SULF2: variants seen among roughly 807,000 people sequenced by gnomAD.
SULF2 encodes extracellular sulfatase Sulf-2.
In SULF2, 52 loss-of-function variants were observed where a neutral mutation model predicts 107.7. The ratio of observed to expected loss-of-function variants is 0.48; its 90% CI spans 0.39 to 0.61. SULF2 has a LOEUF of 0.61. Ranked by LOEUF, SULF2 falls within the 20% of genes least tolerant of loss-of-function variation. The pLI, the probability that SULF2 is intolerant of heterozygous loss-of-function variation, is 0.00. For synonymous variants in SULF2, 460 were observed against 464.3 expected (o/e 0.99, Z 0.12); for missense variants, 993 against 1,177.3 (o/e 0.84, Z 2.29).
intron 2 of SULF2, among the ~76,000 whole-genome samples, chr20:47,746,140 C>T (rs546748416): frequency 7.9e-5 from 12 of 152,330 alleles, no homozygotes; most frequent in Non-Finnish European, 1.6e-4. Flanking sequence ...CTTGCCAGCA[C>T]GTGCCTAGCC....
chr20:47,719,088 G>A (rs1426245250), intron 3 of SULF2, among the ~76,000 whole-genome samples: 4 of 152,096 alleles, frequency 2.6e-5, no homozygotes, highest in African/African-American at 4.8e-5. Flanking sequence ...TGGGAATTAC[G>A]GATATTTTCA....
At chr20:47,707,989 G>A (rs1217565704) in intron 3 of SULF2, among the ~76,000 whole-genome samples, 3 of 152,154 alleles carry the variant, frequency 2.0e-5, no homozygotes, top group Non-Finnish European at 1.5e-5. Flanking sequence ...GGTGGCACTC[G>A]AAATTGCTGA....
At chr20:47,684,148 C>T (rs1207444521) in intron 6 of SULF2, among the ~76,000 whole-genome samples, 3 of 152,220 alleles carry the variant, frequency 2.0e-5, no homozygotes, top group East Asian at 3.8e-4. Flanking sequence ...ATGTGAATTA[C>T]ATCCCAATAA....
chr20:47,693,853 C>T (rs1451511100), intron 4 of SULF2, among the ~76,000 whole-genome samples: 1 of 152,152 alleles, frequency 6.6e-6, no homozygotes, highest in Non-Finnish European at 1.5e-5. Context: ...GATTACAGTA[C>T]CTGCCTCTTG....
At chr20:47,673,062 G>A (rs1400333355) in intron 10 of SULF2, among the ~76,000 whole-genome samples, 1 of 152,214 alleles carries the variant, frequency 6.6e-6, no homozygotes, top group Non-Finnish European at 1.5e-5. Context: ...GTGGTCAGAC[G>A]CTGAATGTAG....
intron 17 of SULF2, 134 bp downstream of exon 17, chr20:47,662,936 A>G: frequency 9.0e-7 from 1 of 1,111,194 alleles, no homozygotes; most frequent in Admixed American, 2.1e-5. Context: ...GCAGCTTCAC[A>G]ACTTACTCCC....
chr20:47,782,024 T>C (rs1398747532), intron 1 of SULF2, among the ~76,000 whole-genome samples: 2 of 152,186 alleles, frequency 1.3e-5, no homozygotes, highest in Non-Finnish European at 2.9e-5. Context: ...GTCCACTTCT[T>C]TTCTCCTTAA....
At chr20:47,760,139 C>T (rs950186385) in intron 1 of SULF2, among the ~76,000 whole-genome samples, 6 of 152,200 alleles carry the variant, frequency 3.9e-5, no homozygotes, top group African/African-American at 9.7e-5. Flanking sequence ...TGGACACCAA[C>T]GAGGAGCTGG....
At chr20:47,674,761 G>A (rs947521127) in intron 10 of SULF2, among the ~76,000 whole-genome samples, 1 of 152,136 alleles carries the variant, frequency 6.6e-6, no homozygotes, top group Non-Finnish European at 1.5e-5. Context: ...CCTAAGAGAC[G>A]TCCTCGGGCC....
At chr20:47,750,761 C>T (rs372850534) in intron 2 of SULF2, among the ~76,000 whole-genome samples, 5 of 152,368 alleles carry the variant, frequency 3.3e-5, no homozygotes, top group East Asian at 3.9e-4. Flanking sequence ...TTCATTCTTC[C>T]TGCTGCTCTT....
intron 4 of SULF2, among the ~76,000 whole-genome samples, chr20:47,697,466 C>T (rs1487566908): frequency 1.3e-5 from 2 of 152,232 alleles, no homozygotes; most frequent in Non-Finnish European, 2.9e-5. Flanking sequence ...ACTGCCTGAT[C>T]TAGGGCCCAG....
intron 11 of SULF2, among the ~76,000 whole-genome samples, chr20:47,668,543 ACT>A (rs1195227134): frequency 1.3e-5 from 2 of 152,056 alleles, no homozygotes; most frequent in Admixed American, 6.5e-5. Flanking sequence ...AAGAGCTTTG[ACT>A]CTGCAATCAG....
chr20:47,749,590 CAG>C (rs1357205285), intron 2 of SULF2, among the ~76,000 whole-genome samples: 1 of 152,256 alleles, frequency 6.6e-6, no homozygotes, highest in Non-Finnish European at 1.5e-5. Flanking sequence ...CTGGCCCCTA[CAG>C]AGAGTACTTG....
chr20:47,687,157 G>T (rs1215305312), intron 5 of SULF2, among the ~76,000 whole-genome samples: 1 of 152,218 alleles, frequency 6.6e-6, no homozygotes, highest in Admixed American at 6.5e-5. Flanking sequence ...AGAACAGTGA[G>T]GGGTGACTGT....
rs2087717921 is a variant in SULF2 at position 47,678,392 on chromosome 20, C to T, written c.1193+284G>A. The T allele has an allele frequency of 5.1e-6, 2 of 395,400 alleles. No individual in the cohort carries two copies. The highest frequency in any genetic ancestry group is 9.5e-6 in the Non-Finnish European group (2 of 209,590). 24.5% of individuals were successfully genotyped at this position (395,400 alleles called of 1,614,324 possible). ...CACACAAGCGCCGTGCAGTTAGCAC[C>T]ATCTCCTACCATCACTGCTGCTATC... On this transcript the variant is annotated intron_variant, in intron 8 of 20. Transcript: ENST00000688720. This position sits in a 1 kb window ranked among gnomAD's most constrained non-coding sequence, Gnocchi z 4.5.
At position 47,663,511 on chromosome 20, in the gene SULF2, T is replaced by C. The variant is rs770622271; in HGVS notation, c.2169A>G (p.Pro723=). The change falls in exon 16 of 21, where the codon CCA becomes CCG. Residue 723 remains proline (P), a synonymous_variant. Coordinates refer to ENST00000688720, the MANE Select transcript of SULF2 (RefSeq NM_001387048.1). ...TGTCGTGGGTGAAGCACGTGAGGCC[T>C]GGCATGCTGCACGTGTCGTTGTTCT... ...RLQNNDTCSM[P]GLTCFTHDNQ... is the part of the protein sequence containing the mutation. 1 of 1,612,560 alleles carries C rather than the reference T, an allele frequency of 6.2e-7. No homozygotes were observed. Among genetic ancestry groups the C allele is most frequent in the South Asian group, 1.1e-5 (1 of 91,088 alleles).
intron 3 of SULF2, among the ~76,000 whole-genome samples, chr20:47,704,831 G>A (rs1008491538): frequency 2.0e-5 from 3 of 152,226 alleles, no homozygotes; most frequent in African/African-American, 7.2e-5. Context: ...AAGCCAGGAT[G>A]AAGAGAGAAA....
chr20:47,712,030 A>G (rs78043507), intron 3 of SULF2, among the ~76,000 whole-genome samples: 10,179 of 152,312 alleles, frequency 0.067, 759 homozygotes, highest in East Asian at 0.24. Context: ...AAAAGCACAT[A>G]TACACACATA....
chr20:47,749,394 C>G (rs994959480), intron 2 of SULF2, among the ~76,000 whole-genome samples: 8 of 152,250 alleles, frequency 5.3e-5, no homozygotes, highest in African/African-American at 1.9e-4. Context: ...GCTTGGCAAG[C>G]TGAACACCAG....
Sources: allele counts gnomAD v4.1 joint callset (sites outside exome capture counted in the v4.1 genomes callset), GRCh38; gene constraint gnomAD v4.1.1; non-coding constraint Gnocchi (gnomAD v3.1); transcripts MANE v1.5; gene names NCBI Gene and HGNC (gene_info 2026-07-23, HGNC 2026-07-21).